Variants in GSDMA observed in about 807,000 individuals in gnomAD.
GSDMA encodes gasdermin A.
A neutral mutation model predicts 54.3 loss-of-function variants in GSDMA; 55 were observed. The ratio of observed to expected loss-of-function variants is 1.01; its 90% CI spans 0.82 to 1.27. GSDMA has a LOEUF of 1.27. Ranked by LOEUF, GSDMA falls within the 50% of genes most tolerant of loss-of-function variation. The probability of loss-of-function intolerance (pLI) is 0.00; values close to 1 mark genes in which losing one functional copy is unlikely to be tolerated. For missense variants in GSDMA, 542 were observed against 542.6 expected (o/e 1.00, Z 0.01); for synonymous variants, 211 against 224.7 (o/e 0.94, Z 0.54).
chr17:39,969,069 G>A (rs921209183), intron 3 of GSDMA, among the ~76,000 whole-genome samples: 5 of 152,124 alleles, frequency 3.3e-5, no homozygotes, highest in African/African-American at 1.2e-4. Flanking sequence ...GATTAAAACT[G>A]TAGGAGCCAG....
In GSDMA at chr17:39,976,930, G is replaced by C. The variant is rs1980225565; in HGVS notation, c.1210G>C (p.Val404Leu). The stretch of plus-strand genomic sequence containing the variant: ...GGAGCTGACCCTCACGGAGGCTCTA[G>C]TCGGGCTGAGTGGCCTGGAAGTGCA... ...DEELTLTEAL[V>L]GLSGLEVQRS... The change falls in exon 12 of 12, where the codon GTC (valine) becomes CTC (leucine). Residue 404 changes from valine to leucine, a missense_variant. Coordinates refer to ENST00000301659, the MANE Select transcript of GSDMA (RefSeq NM_178171.5). The C allele has an allele frequency of 1.2e-6, 2 of 1,614,010 alleles. No homozygotes were observed. The highest frequency in any genetic ancestry group is 1.7e-5 in the Admixed American group (1 of 60,020).
chr17:39,965,446 G>A (rs1464197206), intron 1 of GSDMA: 2 of 525,186 alleles, frequency 3.8e-6, no homozygotes, highest in South Asian at 2.5e-5. Flanking sequence ...GGCTTTGCTG[G>A]CCATCTGTGG....
At chr17:39,971,453 C>G in intron 4 of GSDMA, 71 bp from the exon 5 acceptor site, 1 of 1,218,838 alleles carries the variant, frequency 8.2e-7, no homozygotes, top group East Asian at 2.4e-5. Flanking sequence ...TGCACCTCCC[C>G]CAACTCACGC....
intron 3 of GSDMA, 143 bp downstream of exon 3, chr17:39,966,580 AC>A: frequency 1.4e-6 from 1 of 707,666 alleles, no homozygotes; most frequent in Non-Finnish European, 2.2e-6. Flanking sequence ...CTTGGAGGCA[AC>A]CCTTCTGGCC....
Position 39,971,522 on chromosome 17 carries a change from A to G in GSDMA, c.559-2A>G, listed in dbSNP as rs896631333. 7 of 1,608,300 alleles carry G rather than the reference A, an allele frequency of 4.4e-6. No individual in the cohort carries two copies. In the African/African-American group the frequency reaches 8.0e-5, roughly 18 times the overall value. ...TCACAAATTCTCATTGTCTAATTCT[A>G]GGGATCCATAAATCACAAGGAGGCT... On this transcript the variant is annotated splice_acceptor_variant, in intron 4 of 11. Coordinates refer to ENST00000301659, the MANE Select transcript of GSDMA (RefSeq NM_178171.5). LOFTEE classifies it high-confidence loss of function.
At chr17:39,966,566 A>C (rs939391832) in intron 3 of GSDMA, 129 bp downstream of exon 3, 7 of 810,584 alleles carry the variant, frequency 8.6e-6, no homozygotes, top group Non-Finnish European at 1.3e-5. Context: ...ATGACAGGGG[A>C]GCTCTTGGAG....
rs1321940793 is a variant in GSDMA, at chr17:39,977,748, A to C, written c.*690A>C. 1 of 152,326 alleles carries C rather than the reference A, an allele frequency of 6.6e-6. No individual in the cohort carries two copies. The highest frequency in any genetic ancestry group is 6.5e-5 in the Admixed American group (1 of 15,280). The allele number at this position is 152,326 out of a possible 1,614,324, so 9.4% of individuals were successfully genotyped here. ...CAAGCTTTACTGGAATTAATGGAAA[A>C]TATTATGTCAATCTTAGGAATGATA... On this transcript the variant is annotated 3_prime_UTR_variant, in exon 12 of 12. Transcript: ENST00000301659.
In GSDMA at chr17:39,970,877, G is replaced by A. The variant is rs751229796; in HGVS notation, c.558+230G>A. On this transcript the variant is annotated intron_variant, in intron 4 of 11. Transcript: ENST00000301659. Reference sequence around the variant, plus strand: ...CCAGTGAGGGCAGATCCCTGCGCCAGATGCCACAGGGAACTACTGGGGAAG... The same window carrying A: ...CCAGTGAGGGCAGATCCCTGCGCCAAATGCCACAGGGAACTACTGGGGAAG... Among the ~76,000 whole-genome samples, 49 of 152,180 alleles carry A rather than the reference G, an allele frequency of 3.2e-4. 1 individual carries two copies. Among genetic ancestry groups the A allele is most frequent in the Non-Finnish European group, 4.4e-5 (3 of 68,032 alleles).
Position 39,970,548 on chromosome 17 carries a change from G to A in GSDMA, c.459G>A (p.Val153=). 3.7e-6 allele frequency: 6 copies of A among 1,609,592 alleles called. No individual in the cohort carries two copies. The highest frequency in any genetic ancestry group is 5.1e-6 in the Non-Finnish European group (6 of 1,177,664). ...MQDQGENLYV[V]MEVVETVQEV... ...ATCAAGGGGAGAACCTGTATGTGGT[G>A]ATGGAGGTGGTGGAGACGGTGCAGG... Residue 153 remains valine, a synonymous_variant, in exon 4 of 12, where the codon GTG becomes GTA. Transcript: ENST00000301659.
intron 11 of GSDMA, among the ~76,000 whole-genome samples, chr17:39,976,386 C>T (rs1980202256): frequency 6.6e-6 from 1 of 151,652 alleles, no homozygotes; most frequent in African/African-American, 2.4e-5. Flanking sequence ...TCAAGCGATT[C>T]TCCTGCCTCA....
At chr17:39,973,044 C>T (rs1252446285) in intron 7 of GSDMA, among the ~76,000 whole-genome samples, 7 of 151,998 alleles carry the variant, frequency 4.6e-5, no homozygotes, top group Non-Finnish European at 7.4e-5. Context: ...CAATCTCAGT[C>T]CACTGCAACC....
chr17:39,974,899 G>T lies in GSDMA; in HGVS notation c.907-1G>T, dbSNP rs1160754182. On this transcript the variant is annotated splice_acceptor_variant, in intron 9 of 11. Transcript: ENST00000301659. LOFTEE classifies it high-confidence loss of function. ...CAATAGTCGCCCACCTTCCCCCACA[G>T]CTTGAAGGGGCTCTAGACAAGGGAC... is the stretch of plus-strand genomic sequence containing the variant. 6 of 1,583,840 alleles carry T rather than the reference G, an allele frequency of 3.8e-6. No individual in the cohort carries two copies. Among genetic ancestry groups the T allele is most frequent in the Non-Finnish European group, 5.2e-6 (6 of 1,154,720 alleles).
In GSDMA at chr17:39,973,928, A is replaced by G; in HGVS notation, c.751+98A>G. The G allele has an allele frequency of 2.6e-6, 3 of 1,153,916 alleles. No individual in the cohort carries two copies. In the East Asian group the frequency reaches 7.0e-5, roughly 27 times the overall value. 71.5% of individuals were successfully genotyped at this position (1,153,916 alleles called of 1,614,324 possible). Reference sequence around the variant, plus strand: ...GAAGTCATTCTTTGTCAGCTAACTCATGGGAAGGGAAAACAGACTTTCTTT... The same window carrying G: ...GAAGTCATTCTTTGTCAGCTAACTCGTGGGAAGGGAAAACAGACTTTCTTT... On this transcript the variant is annotated intron_variant, in intron 8 of 11. Transcript: ENST00000301659.
At chr17:39,967,948 C>A (rs1412786971) in intron 3 of GSDMA, among the ~76,000 whole-genome samples, 1 of 152,170 alleles carries the variant, frequency 6.6e-6, no homozygotes, top group Admixed American at 6.5e-5. Context: ...AACTCCGCCT[C>A]CTGGGTTCAA....
At chr17:39,972,998 T>G (rs943173265) in intron 7 of GSDMA, among the ~76,000 whole-genome samples, 4 of 151,718 alleles carry the variant, frequency 2.6e-5, no homozygotes, top group South Asian at 2.1e-4. Flanking sequence ...TTGGATGGAG[T>G]TTCACTCTTG....
chr17:39,974,224 G>C, intron 8 of GSDMA, 49 bp from the exon 9 acceptor site: 1 of 1,551,190 alleles, frequency 6.4e-7, no homozygotes, highest in Non-Finnish European at 8.7e-7. Context: ...GCTGACTGGA[G>C]AGGAAGGTGC....
chr17:39,965,715 G>A lies in GSDMA; in HGVS notation c.28G>A (p.Ala10Thr), dbSNP rs750221781. The change falls in exon 2 of 12, where the codon GCC (alanine) becomes ACC (threonine). Residue 10 changes from alanine (A) to threonine (T), a missense_variant. Physicochemically the swap from Ala to Thr is moderately conservative, Grantham distance 58. Transcript: ENST00000301659. MTMFENVTR[A>T]LARQLNPRGD... ...GACCATGTTTGAAAATGTCACCCGG[G>A]CCCTGGCCAGACAGCTAAACCCTCG... The A allele has an allele frequency of 4.3e-6, 7 of 1,609,950 alleles. No homozygotes were observed. The highest frequency in any genetic ancestry group is 5.9e-6 in the Non-Finnish European group (7 of 1,178,250).
chr17:39,972,684 C>A, intron 7 of GSDMA, 71 bp downstream of exon 7: 2 of 1,319,248 alleles, frequency 1.5e-6, no homozygotes, highest in Non-Finnish European at 2.2e-6. Flanking sequence ...TTTTTCTTTC[C>A]TTCTGACAGG....
At chr17:39,972,097 T>A in intron 5 of GSDMA, 32 bp from the exon 6 acceptor site, 1 of 937,180 alleles carries the variant, frequency 1.1e-6, no homozygotes, top group East Asian at 2.4e-5. Context: ...CTGCTAAGTG[T>A]CCTCCCACCC....
Sources: allele counts gnomAD v4.1 joint callset (sites outside exome capture counted in the v4.1 genomes callset), GRCh38; gene constraint gnomAD v4.1.1; transcripts MANE v1.5; gene names NCBI Gene and HGNC (gene_info 2026-07-23, HGNC 2026-07-21).